ZMYM2: variants seen among roughly 807,000 people sequenced by gnomAD.
ZMYM2 encodes zinc finger MYM-type protein 2.
Under a neutral mutation model 162.8 loss-of-function variants are expected in ZMYM2, and 56 were observed. The ratio of observed to expected loss-of-function variants is 0.34; its 90% confidence interval spans 0.28 to 0.43. The LOEUF (loss-of-function observed/expected upper bound fraction) is 0.43. Ranked by LOEUF, ZMYM2 falls within the 20% of genes least tolerant of loss-of-function variation. The probability of loss-of-function intolerance (pLI) is 1.00; values close to 1 mark genes in which losing one functional copy is unlikely to be tolerated. For synonymous variants in ZMYM2, 510 were observed against 541.6 expected, an observed-to-expected ratio of 0.94 and a Z score of 0.81; for missense variants, 1,275 against 1,621.8, an observed-to-expected ratio of 0.79 and a Z score of 3.67.
At chr13:19,878,278 C>A in the ZMYM2 span, among the ~76,000 whole-genome samples, 1 of 152,086 alleles carries the variant, frequency 6.6e-6, no homozygotes, top group Non-Finnish European at 1.5e-5. Context: ...GTCTCGAACT[C>A]CTGACCTCAA....
the ZMYM2 span, among the ~76,000 whole-genome samples, chr13:19,878,209 C>T: frequency 6.6e-6 from 1 of 151,970 alleles, no homozygotes; most frequent in African/African-American, 2.4e-5. Context: ...TGCACCACCA[C>T]ACCCAGCTAA....
At chr13:19,966,206 C>T (rs1955761011) in intron 2 of ZMYM2, among the ~76,000 whole-genome samples, 1 of 151,566 alleles carries the variant, frequency 6.6e-6, no homozygotes, top group Non-Finnish European at 1.5e-5. Flanking sequence ...GCAATCTCGG[C>T]TCAACGCAAC....
chr13:20,071,370 G>A (rs1201182804), intron 21 of ZMYM2, among the ~76,000 whole-genome samples: 1 of 152,248 alleles, frequency 6.6e-6, no homozygotes, highest in Admixed American at 6.5e-5. Context: ...AAGGAACGAA[G>A]CAGCGAAAGC....
chr13:20,054,768 A>G (rs181817560), intron 14 of ZMYM2, among the ~76,000 whole-genome samples: 8 of 152,358 alleles, frequency 5.3e-5, no homozygotes, highest in South Asian at 2.1e-4. Context: ...CAGGACATCT[A>G]TGACTTTAGA....
chr13:20,031,524 C>A, intron 10 of ZMYM2, 89 bp downstream of exon 10: 3 of 810,204 alleles, frequency 3.7e-6, no homozygotes, highest in Non-Finnish European at 5.4e-6. Context: ...AAACCTATTT[C>A]TTGGTAGATA....
chr13:19,864,736 C>G, the ZMYM2 span: 1 of 152,328 alleles, frequency 6.6e-6, no homozygotes, highest in Non-Finnish European at 1.5e-5. Flanking sequence ...ACAGCCCGCT[C>G]TATCGCGGGG....
intron 21 of ZMYM2, among the ~76,000 whole-genome samples, chr13:20,074,719 T>C (rs1251211430): frequency 1.3e-5 from 2 of 152,050 alleles, no homozygotes; most frequent in Non-Finnish European, 2.9e-5. Context: ...TTTGTATTTT[T>C]AGTAGAGACG....
the ZMYM2 span, among the ~76,000 whole-genome samples, chr13:19,878,711 G>A: frequency 1.9e-4 from 29 of 150,952 alleles, no homozygotes; most frequent in Non-Finnish European, 3.3e-4. Context: ...TAGTAGAGAC[G>A]GGGTTTCACC....
the ZMYM2 span, among the ~76,000 whole-genome samples, chr13:19,872,303 C>A: frequency 6.6e-6 from 1 of 152,086 alleles, no homozygotes; most frequent in Non-Finnish European, 1.5e-5. Context: ...GTAATCCCAG[C>A]ACTTGGGAAG....
At chr13:19,907,784 A>AAAAAG in the ZMYM2 span, among the ~76,000 whole-genome samples, 3 of 147,350 alleles carry the variant, frequency 2.0e-5, no homozygotes, top group Admixed American at 1.4e-4. Context: ...AAAAAAAAAA[A>AAAAAG]GGTAAAGTCT....
intron 7 of ZMYM2, chr13:20,025,542 T>G (rs1391553423): frequency 2.5e-5 from 4 of 160,382 alleles, no homozygotes; most frequent in Non-Finnish European, 4.1e-5. Flanking sequence ...CCCAGGCTGG[T>G]CTCAAACTCC....
the ZMYM2 span, among the ~76,000 whole-genome samples, chr13:19,904,558 CA>C: frequency 2.6e-5 from 4 of 151,732 alleles, no homozygotes; most frequent in East Asian, 1.9e-4. Flanking sequence ...AACTCCATCT[CA>C]AAAAAAATTT....
intron 21 of ZMYM2, chr13:20,070,588 C>CTGCAACCTCCGCCTCCCGG (rs1451717886): frequency 2.6e-5 from 4 of 152,790 alleles, no homozygotes; most frequent in Admixed American, 2.6e-4. Context: ...TGTTGGCTCA[C>CTGCAACCTCCGCCTCCCGG]TGCAACCTCC....
At chr13:20,064,080 A>G (rs1352729045) in intron 18 of ZMYM2, among the ~76,000 whole-genome samples, 1 of 151,296 alleles carries the variant, frequency 6.6e-6, no homozygotes, top group Non-Finnish European at 1.5e-5. Context: ...ATGGATGGCT[A>G]ATGAGCACAC....
In ZMYM2 at chr13:19,993,370, A is replaced by C. The variant is rs370438202; in HGVS notation, c.298A>C (p.Thr100Pro). 2 of 1,613,612 alleles carry C rather than the reference A, an allele frequency of 1.2e-6. No homozygotes were observed. Among genetic ancestry groups the C allele is most frequent in the Non-Finnish European group, 1.7e-6 (2 of 1,179,788 alleles). Residue 100 changes from threonine to proline, a missense_variant, in exon 3 of 25, where the codon ACT becomes CCT. By Grantham distance (38) the Thr-to-Pro change is conservative. Around this residue, in one of 10 missense-constraint regions of ZMYM2, gnomAD observed 295 missense variants for 286.7 expected, o/e 1.03. Transcript: ENST00000610343. The stretch of plus-strand genomic sequence containing the variant: ...ACTACAAGGAAATGATTCCAAAATT[A>C]CTCCTTCCTCAAAAGAGTTGGCATC... ...EELQGNDSKI[T>P]PSSKELASQK...
the ZMYM2 span, among the ~76,000 whole-genome samples, chr13:19,920,825 T>C: frequency 6.6e-6 from 1 of 152,114 alleles, no homozygotes; most frequent in Non-Finnish European, 1.5e-5. Flanking sequence ...TGCAATGACA[T>C]GATCTTGGCT....
chr13:19,877,315 C>T, the ZMYM2 span, among the ~76,000 whole-genome samples: 2 of 152,070 alleles, frequency 1.3e-5, no homozygotes, highest in South Asian at 4.1e-4. Context: ...TGGTGAGAAC[C>T]TCATGCTGCA....
intron 16 of ZMYM2, 65 bp from the exon 17 acceptor site, chr13:20,060,988 T>G: frequency 6.7e-7 from 1 of 1,490,668 alleles, no homozygotes; most frequent in South Asian, 1.3e-5. Context: ...TCAGAGTAAT[T>G]TTTAATTTGG....
upstream of ZMYM2, among the ~76,000 whole-genome samples, chr13:19,956,150 C>A (rs1954511066): frequency 6.6e-6 from 1 of 152,228 alleles, no homozygotes; most frequent in Non-Finnish European, 1.5e-5. Flanking sequence ...TTCTACTCCC[C>A]ACTTCTCCAG....
Sources: allele counts gnomAD v4.1 joint callset (sites outside exome capture counted in the v4.1 genomes callset), GRCh38; gene constraint gnomAD v4.1.1; regional missense constraint gnomAD v4.1.1; transcripts MANE v1.5; gene names NCBI Gene and HGNC (gene_info 2026-07-23, HGNC 2026-07-21).